Variants in RBFOX1 observed in about 807,000 individuals in gnomAD.
The protein encoded by RBFOX1 is RNA binding protein fox-1 homolog 1.
In RBFOX1, 8 loss-of-function variants were observed where a neutral mutation model predicts 57.7. That is an observed-to-expected ratio of 0.14 (90% CI 0.08 to 0.25). The LOEUF is 0.25. Ranked by LOEUF, RBFOX1 falls within the 10% of genes least tolerant of loss-of-function variation. The probability of loss-of-function intolerance (pLI) is 1.00; values close to 1 mark genes in which losing one functional copy is unlikely to be tolerated. For missense variants in RBFOX1, 611 were observed against 548.5 expected (o/e 1.11, Z -1.14); for synonymous variants, 326 against 222.4 (o/e 1.47, Z -4.15).
In RBFOX1 at chr16:5,857,548, C is replaced by T. The variant is rs564588862; in HGVS notation, c.319-9755C>T. Among the ~76,000 whole-genome samples the T allele has an allele frequency of 2.6e-5, 4 of 152,270 alleles. No homozygotes were observed. The East Asian group carries it at 5.8e-4, about 22-fold the overall frequency. The stretch of plus-strand genomic sequence containing the variant: ...GACCTGGGCCTGTAATAACCTCCCA[C>T]CTCTGGCTGTGACAGCCAAATATGC... On this transcript the variant is annotated intron_variant, in intron 3 of 19. Coordinates refer to the RBFOX1 transcript ENST00000641259.
At chr16:5,876,877 A>G (rs1369989311) in intron 4 of RBFOX1, among the ~76,000 whole-genome samples, 2 of 152,126 alleles carry the variant, frequency 1.3e-5, no homozygotes, top group African/African-American at 4.8e-5. Context: ...TCAATGGCAA[A>G]AGGAGAGACA....
chr16:5,327,669 G>C (rs2064621090), intron 1 of RBFOX1, among the ~76,000 whole-genome samples: 1 of 152,274 alleles, frequency 6.6e-6, no homozygotes, highest in Non-Finnish European at 1.5e-5. Context: ...CCTAACTTTG[G>C]AAACAGAATG....
At chr16:5,406,701 C>T (rs560242750) in intron 1 of RBFOX1, among the ~76,000 whole-genome samples, 2 of 152,102 alleles carry the variant, frequency 1.3e-5, no homozygotes, top group East Asian at 3.9e-4. Context: ...TTCTGGAGAA[C>T]CCTAATATAT....
intron 3 of RBFOX1, among the ~76,000 whole-genome samples, chr16:6,885,564 C>T (rs1006004249): frequency 2.6e-5 from 4 of 151,716 alleles, no homozygotes; most frequent in African/African-American, 7.3e-5. Flanking sequence ...TGGAGTCTTG[C>T]TCTGTCATCC....
Position 7,370,417 on chromosome 16 carries a change from T to C in RBFOX1, c.28-147730T>C, listed in dbSNP as rs555419496. Among the ~76,000 whole-genome samples the C allele has an allele frequency of 1.2e-4, 19 of 152,330 alleles. No individual in the cohort carries two copies. In the Middle Eastern group the frequency reaches 0.01, roughly 82 times the overall value. On this transcript the variant is annotated intron_variant, in intron 4 of 15. Transcript: ENST00000550418. ...GACTCCTGTAACTGATTCTGAATTTTCCAATTATATCTGCCAGGAATCACT... is the reference window on the plus strand; with the variant it reads ...GACTCCTGTAACTGATTCTGAATTTCCCAATTATATCTGCCAGGAATCACT...
At chr16:6,735,628 A>G (rs1333107404) in intron 3 of RBFOX1, among the ~76,000 whole-genome samples, 2 of 152,194 alleles carry the variant, frequency 1.3e-5, no homozygotes, top group African/African-American at 2.4e-5. Context: ...AAGTTGTGTA[A>G]CATTGGATCG....
At chr16:5,857,908 C>A (rs760512616) in intron 3 of RBFOX1, among the ~76,000 whole-genome samples, 1 of 151,934 alleles carries the variant, frequency 6.6e-6, no homozygotes, top group Non-Finnish European at 1.5e-5. Flanking sequence ...GTTTGCACTG[C>A]CGTACTCCAG....
chr16:7,478,610 T>TG (rs756263945), intron 4 of RBFOX1, among the ~76,000 whole-genome samples: 5 of 152,210 alleles, frequency 3.3e-5, no homozygotes, highest in Admixed American at 6.5e-5. Context: ...CAAACTGGAT[T>TG]GGTCACCATT....
At chr16:5,511,670 A>T (rs993867539) in intron 2 of RBFOX1, among the ~76,000 whole-genome samples, 1 of 152,212 alleles carries the variant, frequency 6.6e-6, no homozygotes, top group African/African-American at 2.4e-5. Context: ...TCAGAGAGTT[A>T]AAGCAACTAG....
intron 2 of RBFOX1, among the ~76,000 whole-genome samples, chr16:6,404,608 G>T (rs1054194061): frequency 2.0e-5 from 3 of 152,138 alleles, no homozygotes; most frequent in Non-Finnish European, 4.4e-5. Flanking sequence ...ATGAGCAGCA[G>T]TCCTAGTTTG....
chr16:5,719,618 G>A (rs1256307867), intron 3 of RBFOX1, among the ~76,000 whole-genome samples: 1 of 151,956 alleles, frequency 6.6e-6, no homozygotes, highest in Non-Finnish European at 1.5e-5. Context: ...CTGTCTCTAT[G>A]GACTTGCCTA....
rs543516373 is a variant in RBFOX1, at chr16:6,174,008, C to T, written c.-126-142987C>T. ...AAACCTTGGAGAACTTTGAAAATAA[C>T]CCAAATTCTCAACTCTGTAGTAGCA... is the stretch of plus-strand genomic sequence containing the variant. On this transcript the variant is annotated intron_variant, in intron 1 of 15. Transcript: ENST00000550418. Among the ~76,000 whole-genome samples, 10 of 152,232 alleles carry T rather than the reference C, an allele frequency of 6.6e-5. No individual in the cohort carries two copies. The East Asian group carries it at 1.7e-3, about 27-fold the overall frequency.
At chr16:6,686,036 T>C (rs570534460) in intron 3 of RBFOX1, among the ~76,000 whole-genome samples, 3 of 152,332 alleles carry the variant, frequency 2.0e-5, no homozygotes, top group South Asian at 4.1e-4. Context: ...AAAATGTTAT[T>C]TGAAAATGTC....
intron 2 of RBFOX1, among the ~76,000 whole-genome samples, chr16:5,543,827 G>A (rs1430005713): frequency 6.6e-6 from 1 of 152,108 alleles, no homozygotes; most frequent in Non-Finnish European, 1.5e-5. Flanking sequence ...AAAGATAAGG[G>A]TGACAGTGTA....
intron 2 of RBFOX1, among the ~76,000 whole-genome samples, chr16:6,574,057 G>A (rs1236669070): frequency 1.3e-5 from 2 of 152,152 alleles, no homozygotes; most frequent in Non-Finnish European, 1.5e-5. Flanking sequence ...TGCCAACCCT[G>A]TTCCCCTTTC....
At chr16:7,709,551 C>G in intron 15 of RBFOX1, 1 of 1,532,062 alleles carries the variant, frequency 6.5e-7, no homozygotes, top group Non-Finnish European at 8.7e-7. Context: ...CACTTCCAGG[C>G]CTCTGCTGTC....
At chr16:7,419,039 G>A (rs952875906) in intron 4 of RBFOX1, among the ~76,000 whole-genome samples, 2 of 152,002 alleles carry the variant, frequency 1.3e-5, no homozygotes, top group African/African-American at 4.8e-5. Context: ...GGAGTAGCTG[G>A]GACTACAGGT....
At chr16:6,924,486 C>A (rs867381582) in intron 3 of RBFOX1, among the ~76,000 whole-genome samples, 12 of 152,046 alleles carry the variant, frequency 7.9e-5, no homozygotes, top group Middle Eastern at 3.4e-3. Flanking sequence ...AGGAAGCCAC[C>A]CCCATAACTC....
chr16:5,419,548 G>C (rs1224942261), intron 1 of RBFOX1, among the ~76,000 whole-genome samples: 1 of 151,882 alleles, frequency 6.6e-6, no homozygotes, highest in Non-Finnish European at 1.5e-5. Context: ...GACACACCCA[G>C]GAACAATGGG....
Sources: allele counts gnomAD v4.1 joint callset (sites outside exome capture counted in the v4.1 genomes callset), GRCh38; gene constraint gnomAD v4.1.1; transcripts MANE v1.5; gene names NCBI Gene and HGNC (gene_info 2026-07-23, HGNC 2026-07-21).